HMGB1: variants seen among roughly 807,000 people sequenced by gnomAD.
HMGB1 encodes high mobility group box 1, also known as high mobility group protein B1.
For missense variants in HMGB1, 79 were observed against 253.5 expected (o/e 0.31, Z 4.67); for synonymous variants, 81 against 84.0 (o/e 0.96, Z 0.19).
intron 1 of HMGB1, among the ~76,000 whole-genome samples, chr13:30,576,429 G>A (rs1870659021): frequency 6.6e-6 from 1 of 152,020 alleles, no homozygotes. Context: ...TCTCACCTAA[G>A]AATACAAATT....
chr13:30,516,439 T>C (rs914324662), intron 1 of HMGB1, among the ~76,000 whole-genome samples: 2 of 152,188 alleles, frequency 1.3e-5, no homozygotes, highest in African/African-American at 4.8e-5. Context: ...GCAAAGTAAA[T>C]GTTCCAAGGA....
chr13:30,596,843 T>C (rs933406621), intron 1 of HMGB1, among the ~76,000 whole-genome samples: 1 of 152,206 alleles, frequency 6.6e-6, no homozygotes, highest in Non-Finnish European at 1.5e-5. Flanking sequence ...ACGGAAGGCA[T>C]AGGAAAGATG....
At chr13:30,585,275 G>A (rs767747297) in intron 1 of HMGB1, among the ~76,000 whole-genome samples, 3 of 151,982 alleles carry the variant, frequency 2.0e-5, no homozygotes, top group African/African-American at 4.8e-5. Context: ...GGTAGCCCGC[G>A]CCACTGCACT....
intron 1 of HMGB1, among the ~76,000 whole-genome samples, chr13:30,527,553 C>T (rs1194452351): frequency 6.6e-6 from 1 of 152,068 alleles, no homozygotes; most frequent in Non-Finnish European, 1.5e-5. Context: ...CTGTCACTTC[C>T]TCAGGGTCAG....
intron 1 of HMGB1, among the ~76,000 whole-genome samples, chr13:30,581,398 G>T (rs1870895985): frequency 6.6e-6 from 1 of 152,120 alleles, no homozygotes; most frequent in African/African-American, 2.4e-5. Context: ...GCTGAATCCT[G>T]CCTGCTGCTC....
chr13:30,540,184 TATG>T (rs1868799514), intron 1 of HMGB1: 1 of 181,970 alleles, frequency 5.5e-6, no homozygotes, highest in Non-Finnish European at 1.2e-5. Flanking sequence ...GATTCCATAA[TATG>T]AGTCTTCAAC....
At position 30,559,513 on chromosome 13, in the gene HMGB1, G is replaced by T. The variant is rs376165268; in HGVS notation, c.-15+57158C>A. ...CTGTCCACACCTCTTCAGCAATATG[G>T]CATATTGCAAAGTAGTGTTCAGAGA... On this transcript the variant is annotated intron_variant, in intron 1 of 4. Transcript: ENST00000405805. This position sits in a 1 kb window ranked among gnomAD's most constrained non-coding sequence, Gnocchi z 6.6. 7.9e-5 allele frequency among the ~76,000 whole-genome samples: 12 copies of T among 152,256 alleles called. No individual in the cohort carries two copies. The South Asian group carries it at 1.7e-3, about 21-fold the overall frequency.
intron 1 of HMGB1, among the ~76,000 whole-genome samples, chr13:30,532,259 C>T (rs1035611860): frequency 3.4e-5 from 5 of 149,086 alleles, no homozygotes; most frequent in Non-Finnish European, 5.9e-5. Flanking sequence ...CGCTTGAACC[C>T]GGGAGGCGGA....
At chr13:30,484,472 C>T (rs1488417897) in intron 1 of HMGB1, among the ~76,000 whole-genome samples, 27 of 152,244 alleles carry the variant, frequency 1.8e-4, no homozygotes, top group Non-Finnish European at 1.5e-5. Context: ...GTAGGATCTT[C>T]ACCACGTTCC....
In HMGB1 at chr13:30,495,820, A is replaced by G. The variant is rs536604049; in HGVS notation, c.-14-32126T>C. 4.6e-5 allele frequency among the ~76,000 whole-genome samples: 7 copies of G among 152,272 alleles called. No individual in the cohort carries two copies. In the East Asian group the frequency reaches 1.2e-3, roughly 25 times the overall value. ...TGTGGCAGACAACCCTTTAATATAT[A>G]AAGATAACTATCGGTCTTCTTTTTC... On this transcript the variant is annotated intron_variant, in intron 1 of 4. Transcript: ENST00000405805.
chr13:30,477,528 C>G (rs1362537248), intron 1 of HMGB1, among the ~76,000 whole-genome samples: 4 of 152,212 alleles, frequency 2.6e-5, no homozygotes, highest in African/African-American at 9.7e-5. Context: ...CTTGTGCCAA[C>G]ACAGTGGGCC....
chr13:30,470,486 A>T (rs576429207), upstream of HMGB1, among the ~76,000 whole-genome samples: 8 of 152,314 alleles, frequency 5.3e-5, no homozygotes, highest in South Asian at 1.7e-3. Flanking sequence ...GGGGATCTCA[A>T]ATGTAGAGAA....
At chr13:30,588,455 C>T (rs950592454) in intron 1 of HMGB1, among the ~76,000 whole-genome samples, 3 of 151,948 alleles carry the variant, frequency 2.0e-5, no homozygotes, top group African/African-American at 7.3e-5. Context: ...CAGGACTGAG[C>T]GTGAAATGTT....
At chr13:30,489,701 A>G (rs1887439860) in intron 1 of HMGB1, among the ~76,000 whole-genome samples, 1 of 150,382 alleles carries the variant, frequency 6.6e-6, no homozygotes, top group Admixed American at 6.6e-5. Flanking sequence ...ACAGTCTTCT[A>G]TCCTTTTAAA....
chr13:30,562,044 G>C (rs183838795), intron 1 of HMGB1, among the ~76,000 whole-genome samples: 2 of 152,172 alleles, frequency 1.3e-5, no homozygotes, highest in African/African-American at 2.4e-5. Context: ...ATACTTGGCC[G>C]GGCGCAGTGG....
In HMGB1 at chr13:30,461,393, T is replaced by G; in HGVS notation, c.612A>C (p.Glu204Asp). The G allele has an allele frequency of 6.4e-7, 1 of 1,570,404 alleles. No individual in the cohort carries two copies. Among genetic ancestry groups the G allele is most frequent in the Non-Finnish European group, 8.6e-7 (1 of 1,164,946 alleles). ...CATCATCTTCTTCTTCATCTTCATC[T>G]TCTTCATCTTCCTCCTCCTCCTCAT... Reference protein sequence around the residue: ...EEDEEEEEDEEDEDEEEDDDD... With the variant: ...EEDEEEEEDEDDEDEEEDDDD... Residue 204 changes from glutamate (E) to aspartate (D), a missense_variant, in exon 5 of 5, where the codon GAA (glutamate) becomes GAC (aspartate). Coordinates refer to ENST00000341423, the MANE Select transcript of HMGB1 (RefSeq NM_002128.7).
chr13:30,467,495 T>C (rs943387986), upstream of HMGB1, among the ~76,000 whole-genome samples: 3 of 152,220 alleles, frequency 2.0e-5, no homozygotes, highest in Admixed American at 1.3e-4. Context: ...ATGGACAATA[T>C]ATCACACATG....
intron 1 of HMGB1, among the ~76,000 whole-genome samples, chr13:30,598,820 C>T (rs1243139987): frequency 1.3e-5 from 2 of 152,074 alleles, no homozygotes; most frequent in Non-Finnish European, 2.9e-5. Context: ...TATAATCCAT[C>T]CCTGATTTTT....
chr13:30,616,565 A>G (rs1950565956), intron 1 of HMGB1: 1 of 152,218 alleles, frequency 6.6e-6, no homozygotes, highest in African/African-American at 2.4e-5. Flanking sequence ...ACTTTCTCCA[A>G]TTTTAATCAC....
Sources: allele counts gnomAD v4.1 joint callset (sites outside exome capture counted in the v4.1 genomes callset), GRCh38; gene constraint gnomAD v4.1.1; non-coding constraint Gnocchi (gnomAD v3.1); transcripts MANE v1.5; gene names NCBI Gene and HGNC (gene_info 2026-07-23, HGNC 2026-07-21).